SNX27: variants seen among roughly 807,000 people sequenced by gnomAD.
The protein encoded by SNX27 is sorting nexin 27, also known as sorting nexin-27.
In SNX27, 22 loss-of-function variants were observed where a neutral mutation model predicts 71.6. That is an observed-to-expected ratio of 0.31 (90% CI 0.22 to 0.44). The LOEUF is 0.44. Among genes scored for constraint, SNX27 ranks in the 20% least tolerant of loss-of-function variants. The pLI is 1.00. For synonymous variants in SNX27, 269 were observed against 277.2 expected (o/e 0.97, Z 0.29); for missense variants, 531 against 698.6 (o/e 0.76, Z 2.70).
intron 8 of SNX27, among the ~76,000 whole-genome samples, chr1:151,691,152 A>G (rs1671421966): frequency 6.6e-6 from 1 of 152,100 alleles, no homozygotes; most frequent in Non-Finnish European, 1.5e-5. Flanking sequence ...AGAAGGTGGT[A>G]TGTGCCTATA....
At chr1:151,675,980 C>T (rs1177656711) in intron 7 of SNX27, 3 of 150,864 alleles carry the variant, frequency 2.0e-5, no homozygotes, top group African/African-American at 7.3e-5. Flanking sequence ...GTGCTCACCA[C>T]CAGGTCCAGC....
At chr1:151,641,127 G>A (rs1445676921) in intron 2 of SNX27, among the ~76,000 whole-genome samples, 1 of 152,112 alleles carries the variant, frequency 6.6e-6, no homozygotes, top group Non-Finnish European at 1.5e-5. Flanking sequence ...TGGGTTGTTT[G>A]CAGTTTTGGA....
At chr1:151,689,526 A>T (rs1161336899) in intron 8 of SNX27, among the ~76,000 whole-genome samples, 1 of 152,210 alleles carries the variant, frequency 6.6e-6, no homozygotes. Context: ...TTTTTAAAAG[A>T]TCTATTATAG....
In SNX27 at chr1:151,696,498, T is replaced by TTTCTTTCTTTCTTTCTTTCGTTCTTTCG. The variant is rs1553267129; in HGVS notation, c.*2088_*2089insTTTCTTTCTTTCGTTCTTTCGTTCTTTC. 823 of 106,430 alleles carry TTTCTTTCTTTCTTTCTTTCGTTCTTTCG rather than the reference T, an allele frequency of 7.7e-3. 4 individuals are homozygous for TTTCTTTCTTTCTTTCTTTCGTTCTTTCG. The highest frequency in any genetic ancestry group is 0.01 in the Non-Finnish European group (499 of 48,092). 6.6% of individuals were successfully genotyped at this position (106,430 alleles called of 1,614,324 possible). On this transcript the variant is annotated 3_prime_UTR_variant, in exon 12 of 12. Coordinates refer to ENST00000458013, the MANE Select transcript of SNX27 (RefSeq NM_001330723.2). ...CTTTCTTTCTTTCTTTCTTTCTTTC[T>TTTCTTTCTTTCTTTCTTTCGTTCTTTCG]TTCTTTCGTTCTTTCGTTCTTTCGT...
In SNX27 at chr1:151,694,855, T is replaced by A. The variant is rs554943019; in HGVS notation, c.*438T>A. On this transcript the variant is annotated 3_prime_UTR_variant, in exon 12 of 12. Coordinates refer to ENST00000458013, the MANE Select transcript of SNX27 (RefSeq NM_001330723.2). ...GTATATACATATATATATTTCTTTT[T>A]AAATTTCATATTGATGGCAGTACCT... 6.5e-6 allele frequency: 1 copy of A among 153,386 alleles called. No homozygotes were observed. Among genetic ancestry groups the A allele is most frequent in the African/African-American group, 2.4e-5 (1 of 41,608 alleles). The allele number at this position is 153,386 out of a possible 1,614,324, so 9.5% of individuals were successfully genotyped here. A position where few individuals can be genotyped will look rare whatever the true frequency, so the allele number is the denominator to read the frequency against.
chr1:151,671,583 G>A lies in SNX27; in HGVS notation c.1149+2948G>A, dbSNP rs187011444. ...ATATCTTTGGCTATTCTGGGTCTTT[G>A]GTGGTTCCATATAAATTTTAGGATA... On this transcript the variant is annotated intron_variant, in intron 7 of 11. Transcript: ENST00000458013. 6.6e-5 allele frequency among the ~76,000 whole-genome samples: 10 copies of A among 151,876 alleles called. No homozygotes were observed. The East Asian group carries it at 1.9e-3, about 29-fold the overall frequency.
chr1:151,640,061 T>C (rs996897033), intron 2 of SNX27, among the ~76,000 whole-genome samples: 2 of 152,196 alleles, frequency 1.3e-5, no homozygotes, highest in East Asian at 3.8e-4. Context: ...AGTGAAGAGA[T>C]AAGAAAAGCA....
At chr1:151,674,251 C>G (rs1332953276) in intron 7 of SNX27, among the ~76,000 whole-genome samples, 1 of 152,120 alleles carries the variant, frequency 6.6e-6, no homozygotes, top group Admixed American at 6.6e-5. Context: ...CTTGCAAATA[C>G]TCTCTTGTAA....
chr1:151,678,512 G>A (rs1476236862), intron 7 of SNX27: 5 of 152,130 alleles, frequency 3.3e-5, no homozygotes, highest in African/African-American at 9.7e-5. Flanking sequence ...TCCATGGACA[G>A]TTGGGTTTCT....
intron 7 of SNX27, chr1:151,677,861 A>G (rs1012204740): frequency 6.6e-6 from 1 of 152,164 alleles, no homozygotes; most frequent in Admixed American, 6.6e-5. Flanking sequence ...GAACTTTCCT[A>G]TTGCCTCAAA....
intron 1 of SNX27, among the ~76,000 whole-genome samples, chr1:151,627,275 C>T (rs773971623): frequency 3.9e-5 from 6 of 152,192 alleles, no homozygotes; most frequent in Non-Finnish European, 8.8e-5. Flanking sequence ...ATCTGCCACC[C>T]ATTTACTTAA....
chr1:151,626,195 A>G (rs1303692343), intron 1 of SNX27, among the ~76,000 whole-genome samples: 1 of 152,062 alleles, frequency 6.6e-6, no homozygotes, highest in East Asian at 1.9e-4. Context: ...AAGGTACCAA[A>G]GGATTTGAGA....
intron 1 of SNX27, among the ~76,000 whole-genome samples, chr1:151,624,788 A>T (rs575345093): frequency 1.3e-5 from 2 of 152,048 alleles, no homozygotes; most frequent in African/African-American, 2.4e-5. Flanking sequence ...TAGCCTTATT[A>T]TACTTTTTTC....
chr1:151,631,168 G>A lies in SNX27; in HGVS notation c.312-7720G>A, dbSNP rs139711273. On this transcript the variant is annotated intron_variant, in intron 1 of 11. Coordinates refer to ENST00000458013, the MANE Select transcript of SNX27 (RefSeq NM_001330723.2). ...AAAGGACAGACCCTTACATTTTGGT[G>A]GAGTAGTTCCTTGTCTTTACAGTGT... Among the ~76,000 whole-genome samples the A allele has an allele frequency of 2.1e-3, 317 of 152,306 alleles. 2 individuals are homozygous for A. The highest frequency in any genetic ancestry group is 7.2e-3 in the African/African-American group (298 of 41,560).
chr1:151,648,123 T>C (rs530502183), intron 2 of SNX27, among the ~76,000 whole-genome samples: 1 of 152,248 alleles, frequency 6.6e-6, no homozygotes, highest in East Asian at 1.9e-4. Context: ...AGTGCAATCT[T>C]GGCACCCTGC....
At chr1:151,618,368 A>C (rs1667522877) in intron 1 of SNX27, among the ~76,000 whole-genome samples, 1 of 152,182 alleles carries the variant, frequency 6.6e-6, no homozygotes, top group Admixed American at 6.5e-5. Context: ...CAGAACAATC[A>C]TTTTTAAATT....
intron 8 of SNX27, among the ~76,000 whole-genome samples, chr1:151,685,661 A>G (rs1039728950): frequency 1.3e-5 from 2 of 152,190 alleles, no homozygotes; most frequent in Non-Finnish European, 2.9e-5. Context: ...CAGCCTGGAA[A>G]ACACAGTGAG....
chr1:151,686,394 C>T (rs537356830), intron 8 of SNX27, among the ~76,000 whole-genome samples: 2 of 152,268 alleles, frequency 1.3e-5, no homozygotes, highest in Non-Finnish European at 2.9e-5. Context: ...CATTTTTAGA[C>T]TTGTTTATAT....
intron 7 of SNX27, chr1:151,679,415 A>C (rs1225606576): frequency 6.6e-6 from 1 of 152,250 alleles, no homozygotes. Context: ...ATTCTGGCTA[A>C]ACCTAGCAAA....
Sources: allele counts gnomAD v4.1 joint callset (sites outside exome capture counted in the v4.1 genomes callset), GRCh38; gene constraint gnomAD v4.1.1; transcripts MANE v1.5; gene names NCBI Gene and HGNC (gene_info 2026-07-23, HGNC 2026-07-21).